KLHL20: variants seen among roughly 807,000 people sequenced by gnomAD.
The protein encoded by KLHL20 is kelch like family member 20.
Under a neutral mutation model 69.5 loss-of-function variants are expected in KLHL20, and 29 were observed. That is an observed-to-expected ratio of 0.42 (90% CI 0.31 to 0.57). KLHL20 has a LOEUF of 0.57. Among genes scored for constraint, KLHL20 ranks in the 20% least tolerant of loss-of-function variants. The pLI is 0.18. For missense variants in KLHL20, 419 were observed against 776.0 expected (o/e 0.54, Z 5.47); for synonymous variants, 253 against 265.2 (o/e 0.95, Z 0.45).
At chr1:173,717,175 G>A (rs1671504837) in intron 2 of KLHL20, among the ~76,000 whole-genome samples, 1 of 152,222 alleles carries the variant, frequency 6.6e-6, no homozygotes. Flanking sequence ...CCCACTGATT[G>A]TGTCTCATCT....
rs1295132649 is a variant in KLHL20 at position 173,752,011 on chromosome 1, G to A, written c.756+89G>A. 3.2e-6 allele frequency: 4 copies of A among 1,238,546 alleles called. No individual in the cohort carries two copies. The Admixed American group carries it at 8.0e-5, about 25-fold the overall frequency. 76.7% of individuals were successfully genotyped at this position (1,238,546 alleles called of 1,614,324 possible). On this transcript the variant is annotated intron_variant, in intron 4 of 11. Transcript: ENST00000209884. Reference sequence around the variant, plus strand: ...CCAGCACTTTGGGAGGCCAAGGCAGGTGGATCACAAGGTCAAGAGATCGAG... The same window carrying A: ...CCAGCACTTTGGGAGGCCAAGGCAGATGGATCACAAGGTCAAGAGATCGAG...
chr1:173,730,469 A>G (rs1412659699), intron 2 of KLHL20, among the ~76,000 whole-genome samples: 4 of 152,106 alleles, frequency 2.6e-5, no homozygotes, highest in Non-Finnish European at 5.9e-5. Context: ...ACTTCAAACT[A>G]TACTACAAGG....
chr1:173,731,870 AAAC>A (rs1260642787), intron 2 of KLHL20, among the ~76,000 whole-genome samples: 4 of 152,174 alleles, frequency 2.6e-5, no homozygotes, highest in Admixed American at 2.0e-4. Context: ...ATAATTAAAA[AAAC>A]ATTTAAAAAA....
At chr1:173,740,468 T>C (rs1274537311) in intron 3 of KLHL20, among the ~76,000 whole-genome samples, 1 of 152,032 alleles carries the variant, frequency 6.6e-6, no homozygotes, top group Non-Finnish European at 1.5e-5. Flanking sequence ...ATCTAGTTCC[T>C]TGAGGTTTTA....
intron 8 of KLHL20, among the ~76,000 whole-genome samples, chr1:173,771,100 C>G (rs1226789237): frequency 6.6e-5 from 10 of 152,252 alleles, no homozygotes; most frequent in Non-Finnish European, 1.3e-4. Context: ...TCAAGAAAAA[C>G]GTGAGCCAAG....
intron 3 of KLHL20, among the ~76,000 whole-genome samples, chr1:173,741,340 A>C (rs905587994): frequency 6.6e-6 from 1 of 152,140 alleles, no homozygotes; most frequent in Non-Finnish European, 1.5e-5. Context: ...GCCATTTTTT[A>C]CATATTTTCT....
chr1:173,732,578 ACTTT>A (rs762391010), intron 2 of KLHL20, among the ~76,000 whole-genome samples: 2 of 152,172 alleles, frequency 1.3e-5, no homozygotes, highest in Admixed American at 6.5e-5. Context: ...GTATGCTGTT[ACTTT>A]CTATTTCATT....
intron 2 of KLHL20, 81 bp downstream of exon 2, chr1:173,716,147 C>A: frequency 1.5e-6 from 2 of 1,353,320 alleles, no homozygotes; most frequent in Non-Finnish European, 1.0e-6. Flanking sequence ...AAAAGAGTTT[C>A]AATCTTACTA....
chr1:173,783,423 A>G (rs949825527), intron 11 of KLHL20, among the ~76,000 whole-genome samples: 6 of 152,016 alleles, frequency 3.9e-5, no homozygotes, highest in Admixed American at 1.3e-4. Context: ...GAAAGCCACA[A>G]CTCTCACAGA....
intron 2 of KLHL20, among the ~76,000 whole-genome samples, chr1:173,719,993 C>G (rs1033602537): frequency 1.3e-5 from 2 of 152,052 alleles, no homozygotes; most frequent in African/African-American, 4.8e-5. Flanking sequence ...GTGACTCATA[C>G]CTGTAATCCC....
At chr1:173,774,774 A>G (rs1571930974) in intron 9 of KLHL20, among the ~76,000 whole-genome samples, 2 of 152,334 alleles carry the variant, frequency 1.3e-5, no homozygotes, top group South Asian at 2.1e-4. Context: ...AAGAATAAAT[A>G]AAAACTTAGA....
chr1:173,757,182 T>C lies in KLHL20; in HGVS notation c.1151+23T>C, dbSNP rs376047061. On this transcript the variant is annotated intron_variant, in intron 7 of 11. Transcript: ENST00000209884. ...AAGGTGAGTAAGGTCAATCTGTAAT[T>C]TTCTCTCTACTATTCATATAGTTTT... 1.5e-4 allele frequency: 238 copies of C among 1,578,026 alleles called. 1 individual carries two copies. The South Asian group carries it at 2.1e-3, about 14-fold the overall frequency.
intron 3 of KLHL20, among the ~76,000 whole-genome samples, chr1:173,737,206 G>A (rs1672576822): frequency 6.6e-6 from 1 of 152,152 alleles, no homozygotes; most frequent in Non-Finnish European, 1.5e-5. Context: ...TATTTCTTTT[G>A]CTGTGCAGAA....
At chr1:173,755,872 A>C in intron 5 of KLHL20, 51 bp from the exon 6 acceptor site, 1 of 1,229,738 alleles carries the variant, frequency 8.1e-7, no homozygotes, top group South Asian at 1.3e-5. Context: ...TTGGGACTTA[A>C]CTAACAATGT....
intron 2 of KLHL20, among the ~76,000 whole-genome samples, chr1:173,723,340 G>A (rs1571849576): frequency 6.6e-6 from 1 of 152,184 alleles, no homozygotes; most frequent in Non-Finnish European, 1.5e-5. Flanking sequence ...TAACTGCTCA[G>A]CTTTATGTTT....
At chr1:173,742,131 T>A (rs1427500286) in intron 3 of KLHL20, among the ~76,000 whole-genome samples, 1 of 152,160 alleles carries the variant, frequency 6.6e-6, no homozygotes, top group African/African-American at 2.4e-5. Context: ...ATATGAAATA[T>A]GCTTGTTTAA....
chr1:173,739,739 C>A (rs1057125189), intron 3 of KLHL20, among the ~76,000 whole-genome samples: 1 of 150,958 alleles, frequency 6.6e-6, no homozygotes, highest in Non-Finnish European at 1.5e-5. Context: ...GCAACCTCTG[C>A]CTCCCGGGTT....
chr1:173,772,452 A>G (rs1648155747), intron 8 of KLHL20, among the ~76,000 whole-genome samples: 1 of 152,238 alleles, frequency 6.6e-6, no homozygotes, highest in Non-Finnish European at 1.5e-5. Flanking sequence ...TTTTAAGACT[A>G]ATTGGTTGCC....
chr1:173,751,227 A>C (rs1055819142), intron 3 of KLHL20, among the ~76,000 whole-genome samples: 1 of 152,162 alleles, frequency 6.6e-6, no homozygotes, highest in East Asian at 1.9e-4. Context: ...CCTTGGGTAA[A>C]GATAAATTAT....
Sources: allele counts gnomAD v4.1 joint callset (sites outside exome capture counted in the v4.1 genomes callset), GRCh38; gene constraint gnomAD v4.1.1; transcripts MANE v1.5; gene names NCBI Gene and HGNC (gene_info 2026-07-23, HGNC 2026-07-21).